The following MBNL2 variants were observed in gnomAD, a reference collection of about 807,000 sequenced individuals.
The protein encoded by MBNL2 is muscleblind-like protein 2.
A neutral mutation model predicts 41.9 loss-of-function variants in MBNL2; 17 were observed. The observed-to-expected ratio is 0.41, with a 90% CI of 0.28 to 0.61. MBNL2 has a LOEUF of 0.61. MBNL2 is among the 20% of genes least tolerant of loss of function. The probability of loss-of-function intolerance (pLI) is 0.35; values close to 1 mark genes in which losing one functional copy is unlikely to be tolerated. For missense variants in MBNL2, 336 were observed against 505.6 expected, an observed-to-expected ratio of 0.66 and a Z score of 3.22; for synonymous variants, 195 against 182.9, an observed-to-expected ratio of 1.07 and a Z score of -0.53.
At chr13:97,155,562 A>C in the MBNL2 span, among the ~76,000 whole-genome samples, 2 of 138,854 alleles carry the variant, frequency 1.4e-5, no homozygotes, top group African/African-American at 2.7e-5. Context: ...ACACCCCACA[A>C]CAGTCCCCAG....
chr13:97,258,464 C>T (rs1196382468), intron 1 of MBNL2, among the ~76,000 whole-genome samples: 2 of 152,098 alleles, frequency 1.3e-5, no homozygotes, highest in Non-Finnish European at 2.9e-5. Flanking sequence ...AAAACAAAAT[C>T]TTGTTTTAAT....
intron 7 of MBNL2, among the ~76,000 whole-genome samples, chr13:97,360,932 A>G (rs944028873): frequency 1.3e-5 from 2 of 152,254 alleles, no homozygotes. Flanking sequence ...TAAATGTTAC[A>G]TCAGATTATC....
At chr13:97,348,403 C>T (rs571605311) in intron 5 of MBNL2, among the ~76,000 whole-genome samples, 9 of 152,164 alleles carry the variant, frequency 5.9e-5, no homozygotes, top group African/African-American at 1.4e-4. Context: ...TCCAATGCAT[C>T]GCAAAGCTTG....
At chr13:97,233,288 T>G (rs1248063783) in intron 1 of MBNL2, among the ~76,000 whole-genome samples, 1 of 145,318 alleles carries the variant, frequency 6.9e-6, no homozygotes, top group Non-Finnish European at 1.5e-5. Flanking sequence ...TCATTTACAT[T>G]AGGTATATCT....
intron 7 of MBNL2, among the ~76,000 whole-genome samples, chr13:97,362,038 C>T (rs1328023389): frequency 1.3e-5 from 2 of 152,086 alleles, no homozygotes; most frequent in Non-Finnish European, 2.9e-5. Flanking sequence ...TCCCAAAGTG[C>T]TGGGATTACA....
chr13:97,172,635 G>A, the MBNL2 span: 4 of 152,124 alleles, frequency 2.6e-5, no homozygotes, highest in African/African-American at 4.8e-5. Context: ...TATCAAATTG[G>A]TCGTAGCATA....
intron 8 of MBNL2, among the ~76,000 whole-genome samples, chr13:97,369,645 G>T (rs7318623): frequency 0.4 from 60,214 of 151,946 alleles, 12,243 homozygotes; most frequent in African/African-American, 0.48. Context: ...GAGGATAGAT[G>T]AAAACATCCC....
At chr13:97,190,995 G>C in the MBNL2 span, among the ~76,000 whole-genome samples, 78 of 151,436 alleles carry the variant, frequency 5.2e-4, no homozygotes, top group Middle Eastern at 6.8e-3. Flanking sequence ...TAAAAAACAA[G>C]TCAAATGAAA....
chr13:97,265,670 T>TAC (rs1223542647), intron 1 of MBNL2, among the ~76,000 whole-genome samples: 1 of 152,202 alleles, frequency 6.6e-6, no homozygotes, highest in Non-Finnish European at 1.5e-5. Context: ...CGTGTGTGTG[T>TAC]ACATGCATGT....
At position 97,346,782 on chromosome 13, in the gene MBNL2, C is replaced by T. The variant is rs764605790; in HGVS notation, c.541-22C>T. On this transcript the variant is annotated intron_variant, in intron 4 of 8. Transcript: ENST00000679496. The surrounding 1 kb of genome is among the most constrained non-coding windows in gnomAD (Gnocchi z 4.2). ...TGGGCTCAGGCTTGCCTCTGCAGCG[C>T]GGCTCTTCTTCCCTGTCTTAGGTAT... 37 of 1,610,342 alleles carry T rather than the reference C, an allele frequency of 2.3e-5. No homozygotes were observed. Among genetic ancestry groups the T allele is most frequent in the Admixed American group, 1.0e-4 (6 of 59,838 alleles).
the MBNL2 span, among the ~76,000 whole-genome samples, chr13:97,171,802 T>C: frequency 2.6e-5 from 4 of 152,194 alleles, no homozygotes; most frequent in Admixed American, 6.5e-5. Flanking sequence ...CCATGTGTTA[T>C]GGGAGATAAT....
chr13:97,346,190 CA>C lies in MBNL2; in HGVS notation c.541-610del, dbSNP rs1425103951. On this transcript the variant is annotated intron_variant, in intron 4 of 8. Coordinates refer to ENST00000679496, the MANE Select transcript of MBNL2 (RefSeq NM_001382683.1). The surrounding 1 kb of genome is among the most constrained non-coding windows in gnomAD (Gnocchi z 4.2). ...GATGATAGATAATATTAGGTTGGTG[CA>C]AAAGTAATTGCAGTTTTTACCATTA... 2.0e-5 allele frequency among the ~76,000 whole-genome samples: 3 copies of C among 151,176 alleles called. No homozygotes were observed. The highest frequency in any genetic ancestry group is 4.9e-5 in the African/African-American group (2 of 41,036).
the MBNL2 span, among the ~76,000 whole-genome samples, chr13:97,195,668 A>G: frequency 6.6e-6 from 1 of 152,232 alleles, no homozygotes; most frequent in Non-Finnish European, 1.5e-5. Flanking sequence ...AATTATACAT[A>G]ATAGCATAAT....
intron 8 of MBNL2, among the ~76,000 whole-genome samples, chr13:97,382,498 A>C (rs2065546499): frequency 6.6e-6 from 1 of 152,140 alleles, no homozygotes; most frequent in Admixed American, 6.5e-5. Flanking sequence ...CCATGACTAG[A>C]ATGTCATCCG....
At chr13:97,292,070 G>T (rs1368416998) in intron 2 of MBNL2, among the ~76,000 whole-genome samples, 9 of 147,644 alleles carry the variant, frequency 6.1e-5, no homozygotes, top group Admixed American at 6.1e-4. Context: ...GTGTGATGGC[G>T]GGCGCCTGTA....
the MBNL2 span, among the ~76,000 whole-genome samples, chr13:97,167,558 C>A: frequency 5.3e-5 from 8 of 152,090 alleles, no homozygotes; most frequent in Admixed American, 5.2e-4. Context: ...GTAAAATTAA[C>A]CTCAAATTGG....
chr13:97,177,074 A>T, the MBNL2 span, among the ~76,000 whole-genome samples: 1 of 152,192 alleles, frequency 6.6e-6, no homozygotes, highest in African/African-American at 2.4e-5. Flanking sequence ...GTGATGGCTC[A>T]TACCTGTAAT....
chr13:97,201,686 T>C, the MBNL2 span, among the ~76,000 whole-genome samples: 1 of 152,338 alleles, frequency 6.6e-6, no homozygotes, highest in South Asian at 2.1e-4. Flanking sequence ...AAGTTGAAAA[T>C]TCTGAATTAT....
chr13:97,159,285 T>A, the MBNL2 span, among the ~76,000 whole-genome samples: 1 of 151,912 alleles, frequency 6.6e-6, no homozygotes, highest in African/African-American at 2.4e-5. Flanking sequence ...TGAGCCTATG[T>A]GTGTCTCTGC....
Sources: gnomAD v4.1 joint callset for allele counts (sites outside exome capture counted in the v4.1 genomes callset) on GRCh38, gnomAD v4.1.1 for gene constraint, Gnocchi (gnomAD v3.1) non-coding constraint, MANE v1.5 for transcripts, NCBI Gene and HGNC (gene_info 2026-07-23, HGNC 2026-07-21) for gene names.